Variants in DAB1 observed in about 807,000 individuals in gnomAD.
DAB1 encodes disabled homolog 1.
Under a neutral mutation model 64.6 loss-of-function variants are expected in DAB1, and 15 were observed. The observed-to-expected ratio is 0.23, with a 90% CI of 0.16 to 0.36. The LOEUF (loss-of-function observed/expected upper bound fraction) is 0.36, where lower values mean the gene tolerates loss of function less well. Among genes scored for constraint, DAB1 ranks in the 10% least tolerant of loss-of-function variants. DAB1 has a pLI of 1.00. For synonymous variants in DAB1, 235 were observed against 251.9 expected (o/e 0.93, Z 0.64); for missense variants, 596 against 706.7 (o/e 0.84, Z 1.78).
chr1:57,838,625 T>C (rs1163736174), intron 1 of DAB1, among the ~76,000 whole-genome samples: 3 of 152,202 alleles, frequency 2.0e-5, no homozygotes, highest in Non-Finnish European at 4.4e-5. Flanking sequence ...AATAGCTGAC[T>C]GTGGCTCTGC....
chr1:57,926,040 C>T (rs112890381), intron 5 of DAB1, among the ~76,000 whole-genome samples: 22 of 152,234 alleles, frequency 1.4e-4, no homozygotes, highest in African/African-American at 5.1e-4. Context: ...ATACATTACA[C>T]GATGTGATAG....
chr1:57,502,182 T>C (rs899610582), intron 7 of DAB1, among the ~76,000 whole-genome samples: 4 of 151,506 alleles, frequency 2.6e-5, no homozygotes, highest in Non-Finnish European at 4.4e-5. Context: ...TTAGCCGGTG[T>C]GGTGGCGGGC....
Position 58,143,057 on chromosome 1 carries a change from G to A in DAB1, n.387+7454C>T, listed in dbSNP as rs949707511. On this transcript the variant is annotated intron_variant and non_coding_transcript_variant, in intron 5 of 20. Transcript: ENST00000485760. ...AGACCTACTGATTAGAAACTCCGGT[G>A]GTGAAACCCAGCAATCTGAGTTTCA... Among the ~76,000 whole-genome samples the A allele has an allele frequency of 2.0e-5, 3 of 152,066 alleles. No homozygotes were observed. In the South Asian group the frequency reaches 6.2e-4, roughly 32 times the overall value.
intron 5 of DAB1, among the ~76,000 whole-genome samples, chr1:58,140,687 GT>G (rs1376589441): frequency 6.6e-6 from 1 of 152,108 alleles, no homozygotes; most frequent in African/African-American, 2.4e-5. Context: ...TGTTCATTTT[GT>G]TTTGTTCTGT....
intron 6 of DAB1, among the ~76,000 whole-genome samples, chr1:57,713,611 A>G (rs1324534148): frequency 2.0e-5 from 3 of 152,226 alleles, no homozygotes; most frequent in African/African-American, 4.8e-5. Flanking sequence ...ATTCAGATCC[A>G]TCTGGTGGCT....
chr1:57,439,430 T>TTTTTG (rs1558381480), intron 7 of DAB1, among the ~76,000 whole-genome samples: 3 of 129,464 alleles, frequency 2.3e-5, no homozygotes, highest in African/African-American at 9.2e-5. Flanking sequence ...TTTTTCTTTT[T>TTTTTG]TTTTTTTTTT....
intron 6 of DAB1, among the ~76,000 whole-genome samples, chr1:57,798,723 T>G (rs1363726632): frequency 6.6e-6 from 1 of 152,184 alleles, no homozygotes; most frequent in East Asian, 1.9e-4. Flanking sequence ...TCCTTCACTG[T>G]GGATTAGTAT....
chr1:58,207,214 A>G (rs960040965), intron 4 of DAB1, among the ~76,000 whole-genome samples: 36 of 152,250 alleles, frequency 2.4e-4, no homozygotes, highest in Non-Finnish European at 8.8e-5. Context: ...AGCAAGTTAA[A>G]TATCTGCTGC....
In DAB1 at chr1:58,471,467, TCGG is replaced by T. The variant is rs1219029313; in HGVS notation, n.257+34590_257+34592del. 2.0e-5 allele frequency among the ~76,000 whole-genome samples: 3 copies of T among 152,164 alleles called. No homozygotes were observed. In the East Asian group the frequency reaches 5.8e-4, roughly 29 times the overall value. On this transcript the variant is annotated intron_variant and non_coding_transcript_variant, in intron 3 of 20. Coordinates refer to the DAB1 transcript ENST00000485760. ...AATTGACTTAGACATTCATGATGTC[TCGG>T]GCAGGGAATACTGCCACCTAAACAA...
Position 58,532,872 on chromosome 1 carries a change from G to A in DAB1, n.33-5537C>T, listed in dbSNP as rs1646456773. ...TTCCTGTAACTCAAAAGAAATCAAG[G>A]AGATAATTACTTTCAGTGTTTCAGA... is the stretch of plus-strand genomic sequence containing the variant. On this transcript the variant is annotated intron_variant and non_coding_transcript_variant, in intron 1 of 20. Transcript: ENST00000485760. Among the ~76,000 whole-genome samples, 5 of 152,226 alleles carry A rather than the reference G, an allele frequency of 3.3e-5. No individual in the cohort carries two copies. In the South Asian group the frequency reaches 8.3e-4, roughly 25 times the overall value.
At chr1:57,867,669 G>C (rs1169779656) in intron 1 of DAB1, among the ~76,000 whole-genome samples, 1 of 152,072 alleles carries the variant, frequency 6.6e-6, no homozygotes, top group African/African-American at 2.4e-5. Context: ...AATAATTCCA[G>C]GGCTCTCCAT....
intron 3 of DAB1, among the ~76,000 whole-genome samples, chr1:58,344,458 TG>T (rs1054365622): frequency 1.7e-4 from 26 of 152,162 alleles, no homozygotes; most frequent in Non-Finnish European, 2.8e-4. Flanking sequence ...GAGCTTCAGA[TG>T]AAACGAGGGC....
Position 58,207,911 on chromosome 1 carries a change from G to A in DAB1, n.310-57323C>T, listed in dbSNP as rs143109382. 4.0e-4 allele frequency among the ~76,000 whole-genome samples: 61 copies of A among 152,262 alleles called. No homozygotes were observed. The East Asian group carries it at 0.012, about 29-fold the overall frequency. On this transcript the variant is annotated intron_variant and non_coding_transcript_variant, in intron 4 of 20. Transcript: ENST00000485760. ...TACCTGAGACTGAGGAATTTATAAA[G>A]GAAAGAGGTTTAATTGACTCACACT... is the stretch of plus-strand genomic sequence containing the variant.
At position 58,434,074 on chromosome 1, in the gene DAB1, G is replaced by A. The variant is rs570388278; in HGVS notation, n.257+71986C>T. 5.3e-5 allele frequency among the ~76,000 whole-genome samples: 8 copies of A among 152,280 alleles called. No individual in the cohort carries two copies. The East Asian group carries it at 1.5e-3, about 29-fold the overall frequency. ...TCAAAAAGAGAAATATAAGGACACA[G>A]ATCATGTAGGCTACTGAAGAACTTT... On this transcript the variant is annotated intron_variant and non_coding_transcript_variant, in intron 3 of 20. Coordinates refer to the DAB1 transcript ENST00000485760.
At chr1:57,862,175 T>C (rs1027422322) in intron 1 of DAB1, among the ~76,000 whole-genome samples, 3 of 152,234 alleles carry the variant, frequency 2.0e-5, no homozygotes, top group Non-Finnish European at 2.9e-5. Context: ...AGCACGGGTC[T>C]GGGTAATTTA....
At chr1:57,504,219 G>C (rs1423216436) in intron 7 of DAB1, among the ~76,000 whole-genome samples, 1 of 152,276 alleles carries the variant, frequency 6.6e-6, no homozygotes, top group African/African-American at 2.4e-5. Context: ...AAAGGGAAAA[G>C]TGACATTAAA....
At chr1:58,247,537 C>T (rs890333805) in intron 4 of DAB1, among the ~76,000 whole-genome samples, 11 of 152,148 alleles carry the variant, frequency 7.2e-5, no homozygotes, top group African/African-American at 2.4e-4. Flanking sequence ...AAACAGAGTT[C>T]GTGACTTTCT....
chr1:58,295,411 G>C (rs1661946047), intron 4 of DAB1, among the ~76,000 whole-genome samples: 2 of 152,068 alleles, frequency 1.3e-5, no homozygotes, highest in African/African-American at 4.8e-5. Context: ...CATGGGAGTG[G>C]AGGTGGCAGG....
chr1:58,197,462 C>A (rs182451825), intron 4 of DAB1, among the ~76,000 whole-genome samples: 1 of 150,502 alleles, frequency 6.6e-6, no homozygotes, highest in Non-Finnish European at 1.5e-5. Context: ...TCCAGTGGTG[C>A]CATCTCAGCT....
Sources: allele counts gnomAD v4.1 joint callset (sites outside exome capture counted in the v4.1 genomes callset), GRCh38; gene constraint gnomAD v4.1.1; transcripts MANE v1.5; gene names NCBI Gene and HGNC (gene_info 2026-07-23, HGNC 2026-07-21).